The following PRKG1 variants were observed in gnomAD, a reference collection of about 807,000 sequenced individuals.
PRKG1 encodes cGMP-dependent protein kinase 1.
PRKG1 carries 35 observed loss-of-function variants against 88.1 expected under a neutral mutation model. The observed-to-expected ratio is 0.40, with a 90% confidence interval of 0.30 to 0.53. PRKG1 has a LOEUF of 0.53. Ranked by LOEUF, PRKG1 falls within the 20% of genes least tolerant of loss-of-function variation. The probability of loss-of-function intolerance (pLI) is 0.59; values close to 1 mark genes in which losing one functional copy is unlikely to be tolerated. For missense variants in PRKG1, 540 were observed against 839.8 expected (o/e 0.64, Z 4.41); for synonymous variants, 303 against 292.5 (o/e 1.04, Z -0.37).
chr10:51,676,219 T>C (rs1840706882), intron 3 of PRKG1, among the ~76,000 whole-genome samples: 1 of 152,030 alleles, frequency 6.6e-6, no homozygotes, highest in Non-Finnish European at 1.5e-5. Context: ...ATTAAAATTA[T>C]ATTAAAGTAA....
chr10:51,317,954 C>G (rs1841364650), intron 2 of PRKG1, among the ~76,000 whole-genome samples: 2 of 152,176 alleles, frequency 1.3e-5, no homozygotes, highest in South Asian at 4.1e-4. Flanking sequence ...TTCCACAAGC[C>G]AGCCCAAACA....
At chr10:51,745,761 C>G (rs1466337461) in intron 3 of PRKG1, among the ~76,000 whole-genome samples, 1 of 152,176 alleles carries the variant, frequency 6.6e-6, no homozygotes, top group East Asian at 1.9e-4. Context: ...ATAATCCCAG[C>G]ACTCTGGGAG....
chr10:51,625,812 AAC>A (rs753792344), intron 3 of PRKG1, among the ~76,000 whole-genome samples: 2 of 152,126 alleles, frequency 1.3e-5, no homozygotes, highest in Non-Finnish European at 2.9e-5. Context: ...TTCAAAACAG[AAC>A]AGAGAGTCAC....
At chr10:52,230,923 C>T (rs1840505675) in intron 9 of PRKG1, 1 of 152,102 alleles carries the variant, frequency 6.6e-6, no homozygotes, top group Non-Finnish European at 1.5e-5. Flanking sequence ...TAGATTATGC[C>T]TTAATTGGTT....
intron 2 of PRKG1, among the ~76,000 whole-genome samples, chr10:51,262,108 G>T (rs1027034314): frequency 4.0e-5 from 6 of 151,470 alleles, no homozygotes; most frequent in Non-Finnish European, 8.8e-5. Flanking sequence ...GGATGGTCTC[G>T]ATCTCCTGAC....
chr10:51,717,704 T>C lies in PRKG1; in HGVS notation c.593-86881T>C, dbSNP rs112456819. Among the ~76,000 whole-genome samples the C allele has an allele frequency of 3.7e-3, 562 of 152,090 alleles. 4 individuals are homozygous for C. Among genetic ancestry groups the C allele is most frequent in the African/African-American group, 0.013 (547 of 41,496 alleles). ...AAAGTTAGCCGGGCATGGTGGCATG[T>C]GCCTGTAGTCCCAGCTATTCAGGAG... On this transcript the variant is annotated intron_variant, in intron 3 of 17. Transcript: ENST00000373980.
At chr10:52,077,126 T>C (rs1482848036) in intron 7 of PRKG1, among the ~76,000 whole-genome samples, 1 of 152,190 alleles carries the variant, frequency 6.6e-6, no homozygotes, top group East Asian at 1.9e-4. Flanking sequence ...AGCAGCTTTA[T>C]ATTTAATATC....
At chr10:51,358,101 C>A (rs764826264) in intron 2 of PRKG1, among the ~76,000 whole-genome samples, 1 of 151,868 alleles carries the variant, frequency 6.6e-6, no homozygotes, top group Non-Finnish European at 1.5e-5. Flanking sequence ...TTGTGAAATG[C>A]TCAGCTGAGG....
intron 3 of PRKG1, among the ~76,000 whole-genome samples, chr10:51,745,904 G>A (rs974373845): frequency 1.3e-5 from 2 of 152,112 alleles, no homozygotes; most frequent in African/African-American, 2.4e-5. Context: ...GAGTGCAATG[G>A]CGCAGTCATA....
intron 3 of PRKG1, among the ~76,000 whole-genome samples, chr10:51,795,523 C>T (rs993161797): frequency 3.9e-5 from 6 of 152,096 alleles, no homozygotes; most frequent in African/African-American, 7.2e-5. Flanking sequence ...AAGCATTTGT[C>T]TCAGAACATT....
At chr10:52,213,592 T>C (rs1472507463) in intron 9 of PRKG1, among the ~76,000 whole-genome samples, 1 of 152,194 alleles carries the variant, frequency 6.6e-6, no homozygotes, top group Non-Finnish European at 1.5e-5. Context: ...TTTATCTCAC[T>C]GGACTTGTGG....
intron 3 of PRKG1, among the ~76,000 whole-genome samples, chr10:51,529,611 A>C (rs573474841): frequency 1.0e-3 from 152 of 151,880 alleles, no homozygotes; most frequent in Non-Finnish European, 1.7e-3. Context: ...TCCACTTAGC[A>C]CTCAGGTTTC....
intron 3 of PRKG1, among the ~76,000 whole-genome samples, chr10:51,677,316 T>C (rs562648984): frequency 6.6e-6 from 1 of 152,228 alleles, no homozygotes; most frequent in Non-Finnish European, 1.5e-5. Flanking sequence ...GACACTTTTG[T>C]ACCTTTCTTG....
intron 3 of PRKG1, among the ~76,000 whole-genome samples, chr10:51,717,358 G>A (rs984061696): frequency 4.6e-5 from 7 of 152,184 alleles, no homozygotes; most frequent in African/African-American, 1.7e-4. Context: ...GAGACCAAAG[G>A]AAGGATTTGT....
chr10:51,858,137 C>T (rs190330521), intron 4 of PRKG1, among the ~76,000 whole-genome samples: 1 of 19,266 alleles, frequency 5.2e-5, no homozygotes, highest in African/African-American at 3.9e-4. Flanking sequence ...TATATATATA[C>T]ATATTATACA....
chr10:51,934,255 C>CAA (rs1842756658), intron 5 of PRKG1, among the ~76,000 whole-genome samples: 1 of 44,618 alleles, frequency 2.2e-5, no homozygotes, highest in Non-Finnish European at 6.2e-5. Context: ...CACACACATA[C>CAA]CCCCCCCCCA....
chr10:51,941,152 C>T (rs1842898649), intron 5 of PRKG1, among the ~76,000 whole-genome samples: 1 of 151,938 alleles, frequency 6.6e-6, no homozygotes, highest in African/African-American at 2.4e-5. Context: ...TAGTACATAG[C>T]ATATATGTAT....
chr10:51,420,008 T>C (rs982717490), intron 2 of PRKG1, among the ~76,000 whole-genome samples: 1 of 151,844 alleles, frequency 6.6e-6, no homozygotes, highest in South Asian at 2.1e-4. Context: ...TAAAAGAAAA[T>C]GAAAGGCTCC....
At chr10:51,314,806 C>A (rs1351074694) in intron 2 of PRKG1, among the ~76,000 whole-genome samples, 1 of 152,106 alleles carries the variant, frequency 6.6e-6, no homozygotes, top group Admixed American at 6.6e-5. Context: ...TTTTCATATG[C>A]ATTGTTACAC....
Sources: gnomAD v4.1 joint callset for allele counts (sites outside exome capture counted in the v4.1 genomes callset) on GRCh38, gnomAD v4.1.1 for gene constraint, MANE v1.5 for transcripts, NCBI Gene and HGNC (gene_info 2026-07-23, HGNC 2026-07-21) for gene names.